DDIAS: variants seen among roughly 807,000 people sequenced by gnomAD.
DDIAS encodes DNA damage induced apoptosis suppressor.
Under a neutral mutation model 15.7 loss-of-function variants are expected in DDIAS, and 14 were observed. The ratio of observed to expected loss-of-function variants is 0.89; its 90% CI spans 0.59 to 1.39. DDIAS has a LOEUF of 1.39. Among genes scored for constraint, DDIAS ranks in the 40% most tolerant of loss-of-function variants. DDIAS has a pLI of 0.00. For missense variants in DDIAS, 1,035 were observed against 1,130.9 expected (o/e 0.92, Z 1.22); for synonymous variants, 355 against 395.9 (o/e 0.90, Z 1.23).
intron 1 of DDIAS, among the ~76,000 whole-genome samples, chr11:82,909,028 A>G (rs1219283089): frequency 6.6e-6 from 1 of 152,194 alleles, no homozygotes. Context: ...TCAGACCCCC[A>G]GAGAGGCTTC....
In DDIAS at chr11:82,913,293, G is replaced by C. The variant is rs1860561405; in HGVS notation, c.-110G>C. ...TTTGTTTATTTGGAGATAGGGTCTTGCTCTGTCACCCAGGCTGGAGTGCCA... is the reference window on the plus strand; with the variant it reads ...TTTGTTTATTTGGAGATAGGGTCTTCCTCTGTCACCCAGGCTGGAGTGCCA... On this transcript the variant is annotated 5_prime_UTR_variant, in exon 2 of 6. Coordinates refer to ENST00000533655, the MANE Select transcript of DDIAS (RefSeq NM_145018.4). 6.5e-6 allele frequency: 1 copy of C among 154,218 alleles called. No homozygotes were observed. The highest frequency in any genetic ancestry group is 1.9e-4 in the East Asian group (1 of 5,202). 9.6% of individuals were successfully genotyped at this position (154,218 alleles called of 1,614,324 possible).
At chr11:82,923,048 A>G (rs1860788986) in intron 3 of DDIAS, among the ~76,000 whole-genome samples, 1 of 152,068 alleles carries the variant, frequency 6.6e-6, no homozygotes, top group South Asian at 2.1e-4. Flanking sequence ...TGAATCGTTT[A>G]TGGGTGTCTC....
In DDIAS at chr11:82,932,282, T is replaced by A; in HGVS notation, c.944T>A (p.Leu315His). 9 of 1,613,846 alleles carry A rather than the reference T, an allele frequency of 5.6e-6. No homozygotes were observed. Among genetic ancestry groups the A allele is most frequent in the Middle Eastern group, 1.6e-4 (1 of 6,062 alleles). The change falls in exon 6 of 6, where the codon CTT becomes CAT. Residue 315 changes from leucine to histidine, a missense_variant. Physicochemically the swap from Leu to His is moderately conservative, Grantham distance 99. Transcript: ENST00000533655. ...ACAGCAGAAAAGTTGGGTAAAGAAC[T>A]TGGCTTACAAGCTAAGGAGCTGAGT... ...KSTAEKLGKE[L>H]GLQAKELSAV...
intron 3 of DDIAS, among the ~76,000 whole-genome samples, chr11:82,924,129 C>T (rs138695694): frequency 1.4e-4 from 21 of 152,326 alleles, no homozygotes; most frequent in Middle Eastern, 3.4e-3. Flanking sequence ...TTTACTTAAG[C>T]AAGTCAAATT....
In DDIAS at chr11:82,934,027, C is replaced by G; in HGVS notation, c.2689C>G (p.Gln897Glu). ...KCLAAYHFPDQQELPRKKLKH... is the reference protein window; with the variant it reads ...KCLAAYHFPDEQELPRKKLKH... The stretch of plus-strand genomic sequence containing the variant: ...CCTTGCTGCCTATCATTTCCCTGAT[C>G]AACAAGAGTTACCAAGAAAGAAACT... Residue 897 changes from glutamine to glutamate, a missense_variant, in exon 6 of 6, where the codon CAA (glutamine) becomes GAA (glutamate). By Grantham distance (29) the Gln-to-Glu change is conservative (BLOSUM62 2). Transcript: ENST00000533655. The G allele has an allele frequency of 6.2e-7, 1 of 1,613,718 alleles. No homozygotes were observed. The highest frequency in any genetic ancestry group is 1.1e-5 in the South Asian group (1 of 90,950).
chr11:82,934,344 C>G lies in DDIAS; in HGVS notation c.*9C>G. The G allele has an allele frequency of 6.4e-7, 1 of 1,570,768 alleles. No homozygotes were observed. The highest frequency in any genetic ancestry group is 8.6e-7 in the Non-Finnish European group (1 of 1,161,568). On this transcript the variant is annotated 3_prime_UTR_variant, in exon 6 of 6. Coordinates refer to ENST00000533655, the MANE Select transcript of DDIAS (RefSeq NM_145018.4). ...CTGAATTGTTTTCATAAAAAGTCAC[C>G]TGAACCCAATTCCTGAACTTTTAAA...
intron 3 of DDIAS, among the ~76,000 whole-genome samples, chr11:82,919,218 T>C (rs7131246): frequency 0.23 from 34,930 of 152,172 alleles, 4,863 homozygotes; most frequent in Admixed American, 0.36. Context: ...TTCATTGTTA[T>C]GTTGGCTGTG....
At chr11:82,925,957 CAGCCTGGCCAAT>C (rs1191296516) in intron 3 of DDIAS, among the ~76,000 whole-genome samples, 1 of 150,196 alleles carries the variant, frequency 6.7e-6, no homozygotes, top group African/African-American at 2.5e-5. Flanking sequence ...CACTGCACTC[CAGCCTGGCCAAT>C]AGCGAGACAC....
chr11:82,934,356 C>A lies in DDIAS; in HGVS notation c.*21C>A, dbSNP rs1565253508. The A allele has an allele frequency of 6.4e-7, 1 of 1,553,696 alleles. No individual in the cohort carries two copies. The highest frequency in any genetic ancestry group is 1.2e-5 in the South Asian group (1 of 80,344). ...CATAAAAAGTCACCTGAACCCAATT[C>A]CTGAACTTTTAAATCTGTTTGGAAA... On this transcript the variant is annotated 3_prime_UTR_variant, in exon 6 of 6. Transcript: ENST00000533655.
At chr11:82,914,966 G>T (rs1428449259) in intron 3 of DDIAS, 115 bp downstream of exon 3, 22 of 648,310 alleles carry the variant, frequency 3.4e-5, no homozygotes, top group Admixed American at 1.8e-4. Flanking sequence ...TTCTCTCAGG[G>T]GTTGGTTCTT....
rs1213734711 is a variant in DDIAS at position 82,931,999 on chromosome 11, G to C, written c.661G>C (p.Asp221His). ...TGATCTCAGCAGCATATATACTTCT[G>C]ACAGCACTTCTGATTTTTTCAAGTC... ...NSDLSSIYTS[D>H]STSDFFKSCS... Residue 221 changes from aspartate (D) to histidine (H), a missense_variant, in exon 6 of 6, where the codon GAC (aspartate) becomes CAC (histidine). Asp to His is a moderately conservative substitution (Grantham distance 81, BLOSUM62 -1). Transcript: ENST00000533655. The C allele has an allele frequency of 6.2e-7, 1 of 1,614,110 alleles. No homozygotes were observed. Among genetic ancestry groups the C allele is most frequent in the East Asian group, 2.2e-5 (1 of 44,880 alleles).
intron 1 of DDIAS, among the ~76,000 whole-genome samples, chr11:82,910,336 A>G (rs530470045): frequency 6.9e-5 from 10 of 144,978 alleles, no homozygotes; most frequent in Admixed American, 4.2e-4. Context: ...GCTGGAGTGC[A>G]GTGGCATGAT....
In DDIAS at chr11:82,933,848, C is replaced by T. The variant is rs758900735; in HGVS notation, c.2510C>T (p.Pro837Leu). 1.9e-6 allele frequency: 3 copies of T among 1,613,976 alleles called. No homozygotes were observed. The highest frequency in any genetic ancestry group is 1.1e-5 in the South Asian group (1 of 91,064). Reference protein sequence around the residue: ...IKTPSQKIRSPIVSGVSQPDV... With the variant: ...IKTPSQKIRSLIVSGVSQPDV... The stretch of plus-strand genomic sequence containing the variant: ...ACACCTAGCCAGAAAATCAGAAGCC[C>T]TATTGTATCTGGTGTTTCACAACCA... Residue 837 changes from proline to leucine, a missense_variant, in exon 6 of 6, where the codon CCT (proline) becomes CTT (leucine). Coordinates refer to ENST00000533655, the MANE Select transcript of DDIAS (RefSeq NM_145018.4).
rs541845327 is a variant in DDIAS, at chr11:82,928,177, CTTTTTTTTTTTTTTTTTTTTTTT to C, written c.114-583_114-561del. On this transcript the variant is annotated intron_variant, in intron 3 of 5. Coordinates refer to ENST00000533655, the MANE Select transcript of DDIAS (RefSeq NM_145018.4). ...ATATTTTGAGATTATTTTTTGTCCTCTTTTTTTTTTTTTTTTTTTTTTTTTTTTTTTTTTTTTTTGAGACGGAA... is the reference window on the plus strand; with the variant it reads ...ATATTTTGAGATTATTTTTTGTCCTCTTTTTTTTTTTTTTTTGAGACGGAA... Among the ~76,000 whole-genome samples the C allele has an allele frequency of 5.6e-4, 19 of 34,208 alleles. No individual in the cohort carries two copies. The South Asian group carries it at 8.5e-3, about 15-fold the overall frequency. The allele number at this position is 34,208 out of a possible 152,430, so 22.4% of individuals were successfully genotyped here.
At position 82,928,798 on chromosome 11, in the gene DDIAS, C is replaced by T. The variant is rs1860922618; in HGVS notation, c.135C>T (p.Gly45=). ...VSKRSNCPKC[G]STGESGNANY... ...CTAGGTCTAATTGTCCAAAATGTGG[C>T]TCTACTGGTGAATCTGGAAATGCCA... The change falls in exon 4 of 6, where the codon GGC becomes GGT. Residue 45 remains glycine (G), a synonymous_variant. Coordinates refer to ENST00000533655, the MANE Select transcript of DDIAS (RefSeq NM_145018.4). The T allele has an allele frequency of 6.2e-7, 1 of 1,613,450 alleles. No individual in the cohort carries two copies. Among genetic ancestry groups the T allele is most frequent in the Non-Finnish European group, 8.5e-7 (1 of 1,179,818 alleles).
At chr11:82,928,698 A>G (rs1226802945) in intron 3 of DDIAS, 79 bp from the exon 4 acceptor site, 1 of 1,451,224 alleles carries the variant, frequency 6.9e-7, no homozygotes. Flanking sequence ...GTTATTTTAA[A>G]TTTTTACTGT....
intron 4 of DDIAS, among the ~76,000 whole-genome samples, chr11:82,929,529 C>G (rs2121364036): frequency 6.6e-6 from 1 of 152,112 alleles, no homozygotes. Flanking sequence ...CGGTGAAACC[C>G]CATCTCTACT....
In DDIAS at chr11:82,934,302, T is replaced by TC. The variant is rs1346242978; in HGVS notation, c.2965dup (p.Arg989ProfsTer7). ...AAGGCCCACCTTCAGTGTGTGAAAC[T>TC]CGAAGTGCTTGGTCACCTGAATTGT... On this transcript the variant is annotated frameshift_variant, in exon 6 of 6. Coordinates refer to ENST00000533655, the MANE Select transcript of DDIAS (RefSeq NM_145018.4). LOFTEE classifies it high-confidence loss of function. 1 of 1,600,628 alleles carries TC rather than the reference T, an allele frequency of 6.2e-7. No individual in the cohort carries two copies. The highest frequency in any genetic ancestry group is 8.5e-7 in the Non-Finnish European group (1 of 1,175,868).
chr11:82,906,201 T>G (rs1161401747), intron 1 of DDIAS, among the ~76,000 whole-genome samples: 1 of 152,176 alleles, frequency 6.6e-6, no homozygotes, highest in African/African-American at 2.4e-5. Flanking sequence ...TGAAACGATC[T>G]TATTCTATTA....
Sources: gnomAD v4.1 joint callset for allele counts (sites outside exome capture counted in the v4.1 genomes callset) on GRCh38, gnomAD v4.1.1 for gene constraint, MANE v1.5 for transcripts, NCBI Gene and HGNC (gene_info 2026-07-23, HGNC 2026-07-21) for gene names.